Variants in DYSF observed in about 807,000 individuals in gnomAD.
DYSF encodes the protein dystrophy-associated fer-1-like 1.
DYSF carries 212 observed loss-of-function variants against 274.9 expected under a neutral mutation model. The observed-to-expected ratio is 0.77, with a 90% CI of 0.69 to 0.86. DYSF has a LOEUF of 0.86. Among genes scored for constraint, DYSF ranks in the 40% least tolerant of loss-of-function variants. The pLI is 0.00. For missense variants in DYSF, 2,666 were observed against 2,783.2 expected (o/e 0.96, Z 0.95); for synonymous variants, 1,091 against 1,078.7 (o/e 1.01, Z -0.22).
At chr2:71,526,395 G>T (rs202196680) in intron 13 of DYSF, 49 bp downstream of exon 13, 5 of 1,576,820 alleles carry the variant, frequency 3.2e-6, no homozygotes, top group East Asian at 4.6e-5. Flanking sequence ...GGCTGGAGGC[G>T]CAGGGCTGGT....
chr2:71,545,015 G>A (rs1573888773), intron 17 of DYSF, among the ~76,000 whole-genome samples: 1 of 152,156 alleles, frequency 6.6e-6, no homozygotes, highest in Admixed American at 6.5e-5. Context: ...AAGTGCCCTC[G>A]AAGAGAAGGA....
In DYSF at chr2:71,686,450, C is replaced by T. The variant is rs774719311; in HGVS notation, c.6322-4C>T. On this transcript the variant is annotated splice_region_variant and splice_polypyrimidine_tract_variant and intron_variant, in intron 55 of 55. Coordinates refer to ENST00000410020, the MANE Select transcript of DYSF (RefSeq NM_001130987.2). ...ATGGGTCCCTGTCTCCTCCCTCCCT[C>T]CAGAACTATGCTGCCATGAAGCTGG... is the stretch of plus-strand genomic sequence containing the variant. 1.2e-6 allele frequency: 2 copies of T among 1,614,142 alleles called. No individual in the cohort carries two copies. Among genetic ancestry groups the T allele is most frequent in the East Asian group, 2.2e-5 (1 of 44,858 alleles).
In DYSF at chr2:71,520,879, T is replaced by C; in HGVS notation, c.1124T>C (p.Val375Ala). ...ARGYLKTSLC[V>A]LGPGDEAPLE... is the part of the protein sequence containing the mutation. ...GGCTACCTGAAAACAAGCCTTTGTG[T>C]GCTGGGGCCTGGGGACGAAGCGCCT... The change falls in exon 12 of 56, where the codon GTG (valine) becomes GCG (alanine). Residue 375 changes from valine to alanine, a missense_variant. By Grantham distance (64) the Val-to-Ala change is moderately conservative. Coordinates refer to ENST00000410020, the MANE Select transcript of DYSF (RefSeq NM_001130987.2). The C allele has an allele frequency of 6.2e-7, 1 of 1,614,162 alleles. No individual in the cohort carries two copies. Among genetic ancestry groups the C allele is most frequent in the Non-Finnish European group, 8.5e-7 (1 of 1,180,018 alleles).
intron 10 of DYSF, among the ~76,000 whole-genome samples, chr2:71,519,593 T>C (rs1450579905): frequency 6.6e-6 from 1 of 151,892 alleles, no homozygotes; most frequent in African/African-American, 2.4e-5. Context: ...GAAATAAAAA[T>C]AATCCAAATC....
At chr2:71,551,560 C>T (rs2090946518) in intron 18 of DYSF, 47 bp from the exon 19 acceptor site, 3 of 1,524,640 alleles carry the variant, frequency 2.0e-6, no homozygotes, top group East Asian at 4.6e-5. Flanking sequence ...TCCTTCCCCT[C>T]CTCCCCTCTG....
At chr2:71,456,334 C>G (rs1016673592) in intron 1 of DYSF, among the ~76,000 whole-genome samples, 1 of 152,220 alleles carries the variant, frequency 6.6e-6, no homozygotes, top group African/African-American at 2.4e-5. Context: ...TCCCCTCCCC[C>G]AGCCCCTGGC....
chr2:71,488,488 G>C (rs1398752371), intron 3 of DYSF, among the ~76,000 whole-genome samples: 2 of 152,178 alleles, frequency 1.3e-5, no homozygotes, highest in Non-Finnish European at 2.9e-5. Flanking sequence ...CCCCAAGACA[G>C]GGGGCCCAGA....
intron 32 of DYSF, among the ~76,000 whole-genome samples, chr2:71,593,019 C>A (rs2093312802): frequency 6.6e-6 from 1 of 151,756 alleles, no homozygotes; most frequent in Non-Finnish European, 1.5e-5. Flanking sequence ...ATTCTCTGGA[C>A]CAGTGGAAGG....
intron 14 of DYSF, 76 bp downstream of exon 14, chr2:71,528,477 C>A: frequency 7.8e-7 from 1 of 1,279,778 alleles, no homozygotes; most frequent in Non-Finnish European, 1.1e-6. Flanking sequence ...CGGGTGAGAG[C>A]AAGACAGAGT....
intron 17 of DYSF, among the ~76,000 whole-genome samples, chr2:71,540,546 A>G (rs930903368): frequency 6.6e-5 from 10 of 152,144 alleles, no homozygotes; most frequent in Non-Finnish European, 1.2e-4. Flanking sequence ...TAATAATATT[A>G]AAAAAGAACT....
At chr2:71,496,264 G>A (rs575703865) in intron 3 of DYSF, among the ~76,000 whole-genome samples, 1 of 152,184 alleles carries the variant, frequency 6.6e-6, no homozygotes, top group Non-Finnish European at 1.5e-5. Flanking sequence ...AGGCCAAGGT[G>A]GGTGGACCCC....
chr2:71,491,685 T>A (rs373514523), intron 3 of DYSF, among the ~76,000 whole-genome samples: 3 of 152,246 alleles, frequency 2.0e-5, no homozygotes, highest in Non-Finnish European at 4.4e-5. Flanking sequence ...GTTCCTGGGT[T>A]AGTTTGCTAA....
intron 36 of DYSF, among the ~76,000 whole-genome samples, chr2:71,606,911 T>C (rs1305654737): frequency 1.3e-5 from 2 of 152,170 alleles, no homozygotes; most frequent in Non-Finnish European, 2.9e-5. Context: ...GTTGGATTCA[T>C]TCCTTTATCC....
intron 26 of DYSF, 39 bp downstream of exon 26, chr2:71,568,377 A>G (rs1386797796): frequency 6.2e-7 from 1 of 1,610,162 alleles, no homozygotes. Flanking sequence ...GAGCCAGGCC[A>G]GGCTGCCCAC....
intron 1 of DYSF, among the ~76,000 whole-genome samples, chr2:71,478,832 T>TGCTCCCTCTCACGTGCTCTCTC (rs1558958228): frequency 6.6e-6 from 1 of 151,734 alleles, no homozygotes; most frequent in Admixed American, 6.6e-5. Context: ...CGTGCTCTCT[T>TGCTCCCTCTCACGTGCTCTCTC]TCTCTTTTTT....
At chr2:71,528,856 C>T (rs1171490064) in intron 14 of DYSF, among the ~76,000 whole-genome samples, 1 of 152,190 alleles carries the variant, frequency 6.6e-6, no homozygotes, top group African/African-American at 2.4e-5. Context: ...TTGCAGCCCA[C>T]CTTCCTGCCC....
intron 41 of DYSF, among the ~76,000 whole-genome samples, chr2:71,623,723 C>T (rs2094152737): frequency 6.6e-6 from 1 of 151,918 alleles, no homozygotes; most frequent in Admixed American, 6.6e-5. Flanking sequence ...TTTAAGATGC[C>T]CTTCCACCTT....
Position 71,547,752 on chromosome 2 carries a change from T to A in DYSF, c.1577-3289T>A, listed in dbSNP as rs190864008. Reference sequence around the variant, plus strand: ...TTGATCCTCTGAGCCACCAGAGCCATGTGTTGGTCAGATGGCCGATGGGAT... The same window carrying A: ...TTGATCCTCTGAGCCACCAGAGCCAAGTGTTGGTCAGATGGCCGATGGGAT... On this transcript the variant is annotated intron_variant, in intron 17 of 55. Coordinates refer to ENST00000410020, the MANE Select transcript of DYSF (RefSeq NM_001130987.2). Among the ~76,000 whole-genome samples, 12 of 152,304 alleles carry A rather than the reference T, an allele frequency of 7.9e-5. No homozygotes were observed. The East Asian group carries it at 9.7e-4, about 12-fold the overall frequency.
chr2:71,490,292 T>C (rs2083729903), intron 3 of DYSF, among the ~76,000 whole-genome samples: 1 of 152,210 alleles, frequency 6.6e-6, no homozygotes, highest in African/African-American at 2.4e-5. Context: ...TACCCATGAA[T>C]TTCTTCTCTT....
Sources: gnomAD v4.1 joint callset for allele counts (sites outside exome capture counted in the v4.1 genomes callset) on GRCh38, gnomAD v4.1.1 for gene constraint, MANE v1.5 for transcripts, NCBI Gene and HGNC (gene_info 2026-07-23, HGNC 2026-07-21) for gene names.